Variants in PLA2G4A observed in about 807,000 individuals in gnomAD.
PLA2G4A encodes cytosolic phospholipase A2.
Under a neutral mutation model 81.9 loss-of-function variants are expected in PLA2G4A, and 40 were observed. The ratio of observed to expected loss-of-function variants is 0.49; its 90% CI spans 0.38 to 0.64. The LOEUF (loss-of-function observed/expected upper bound fraction) is 0.64, where lower values mean the gene tolerates loss of function less well. PLA2G4A is among the 30% of genes least tolerant of loss of function. PLA2G4A has a pLI of 0.00. For missense variants in PLA2G4A, 715 were observed against 905.1 expected, an observed-to-expected ratio of 0.79 and a Z score of 2.69; for synonymous variants, 302 against 296.9, an observed-to-expected ratio of 1.02 and a Z score of -0.18.
chr1:186,964,347 A>ATTAT (rs1006204259), intron 14 of PLA2G4A, among the ~76,000 whole-genome samples: 1 of 152,028 alleles, frequency 6.6e-6, no homozygotes, highest in African/African-American at 2.4e-5. Context: ...GTGAAGAGTA[A>ATTAT]TGTGTTATCA....
intron 3 of PLA2G4A, among the ~76,000 whole-genome samples, chr1:186,876,684 G>A (rs992961485): frequency 4.6e-5 from 7 of 152,098 alleles, no homozygotes; most frequent in South Asian, 2.1e-4. Context: ...CAGCGATCAC[G>A]CAGCACACCA....
chr1:186,985,276 T>C (rs981370143), intron 17 of PLA2G4A, among the ~76,000 whole-genome samples: 1 of 152,194 alleles, frequency 6.6e-6, no homozygotes, highest in African/African-American at 2.4e-5. Context: ...CCTGTGTCAA[T>C]CAACCTCTAG....
At chr1:186,856,268 T>C (rs1349903855) in intron 2 of PLA2G4A, among the ~76,000 whole-genome samples, 1 of 144,516 alleles carries the variant, frequency 6.9e-6, no homozygotes, top group Non-Finnish European at 1.5e-5. Context: ...TAATGTATTA[T>C]AGTTTTCTTT....
chr1:186,941,293 T>C (rs1656146290), intron 10 of PLA2G4A, among the ~76,000 whole-genome samples: 1 of 152,136 alleles, frequency 6.6e-6, no homozygotes, highest in Non-Finnish European at 1.5e-5. Flanking sequence ...TGGTGTGTAA[T>C]TGGCACATAT....
intron 14 of PLA2G4A, among the ~76,000 whole-genome samples, chr1:186,960,814 A>G (rs916793480): frequency 6.6e-6 from 1 of 152,224 alleles, no homozygotes; most frequent in Non-Finnish European, 1.5e-5. Flanking sequence ...GCATTTTCAT[A>G]TAAAGTGCTG....
chr1:186,873,405 G>A (rs1040827794), intron 3 of PLA2G4A, among the ~76,000 whole-genome samples: 5 of 152,018 alleles, frequency 3.3e-5, no homozygotes, highest in Admixed American at 2.0e-4. Context: ...GACCAGGATC[G>A]CAGAATTCTA....
intron 7 of PLA2G4A, among the ~76,000 whole-genome samples, chr1:186,914,985 TTATCATTTGAAG>T (rs1655089446): frequency 6.6e-6 from 1 of 152,188 alleles, no homozygotes; most frequent in South Asian, 2.1e-4. Flanking sequence ...ATGAAGCTTT[TTATCATTTGAAG>T]AAGTACAGGT....
At chr1:186,936,042 T>C (rs1258042679) in intron 8 of PLA2G4A, among the ~76,000 whole-genome samples, 1 of 151,964 alleles carries the variant, frequency 6.6e-6, no homozygotes, top group Non-Finnish European at 1.5e-5. Flanking sequence ...AATCCTGTGT[T>C]CTTTTACTCA....
intron 1 of PLA2G4A, among the ~76,000 whole-genome samples, chr1:186,839,072 C>A (rs992741435): frequency 1.4e-4 from 21 of 148,594 alleles, no homozygotes; most frequent in Middle Eastern, 3.4e-3. Flanking sequence ...GTTAAAAAAA[C>A]ATTTTAAAAT....
At chr1:186,983,095 A>G (rs1436512396) in intron 17 of PLA2G4A, among the ~76,000 whole-genome samples, 8 of 149,218 alleles carry the variant, frequency 5.4e-5, no homozygotes, top group South Asian at 2.1e-4. Flanking sequence ...AAAAAAAAAA[A>G]AAAAGAAAAG....
chr1:186,906,856 T>C, intron 5 of PLA2G4A, 109 bp from the exon 6 acceptor site: 1 of 660,506 alleles, frequency 1.5e-6, no homozygotes, highest in South Asian at 1.8e-5. Flanking sequence ...AGGGTTTTGT[T>C]TTTTTGATTA....
rs535443286 is a variant in PLA2G4A at position 186,912,487 on chromosome 1, A to G, written c.558+1098A>G. Among the ~76,000 whole-genome samples, 24 of 152,054 alleles carry G rather than the reference A, an allele frequency of 1.6e-4. No homozygotes were observed. In the South Asian group the frequency reaches 4.4e-3, roughly 28 times the overall value. On this transcript the variant is annotated intron_variant, in intron 7 of 17. Coordinates refer to ENST00000367466, the MANE Select transcript of PLA2G4A (RefSeq NM_024420.3). ...CATCTCTCCTCCCTACCCCTGCACCACTGATACTTTTACTGTCTCCATAGC... is the reference window on the plus strand; with the variant it reads ...CATCTCTCCTCCCTACCCCTGCACCGCTGATACTTTTACTGTCTCCATAGC...
chr1:186,890,783 G>A (rs1284886657), intron 3 of PLA2G4A, among the ~76,000 whole-genome samples: 2 of 151,094 alleles, frequency 1.3e-5, no homozygotes, highest in African/African-American at 4.9e-5. Flanking sequence ...GAACCAGGAG[G>A]CCGAGGTTGC....
chr1:186,924,377 C>G (rs1489481239), intron 7 of PLA2G4A, among the ~76,000 whole-genome samples: 1 of 152,222 alleles, frequency 6.6e-6, no homozygotes, highest in Non-Finnish European at 1.5e-5. Context: ...CTTGCCCTAT[C>G]TTACCTAACC....
chr1:186,873,364 A>T (rs1315362175), intron 3 of PLA2G4A, among the ~76,000 whole-genome samples: 1 of 152,078 alleles, frequency 6.6e-6, no homozygotes, highest in Non-Finnish European at 1.5e-5. Context: ...GAACTATAAG[A>T]ACTATTTTTA....
intron 16 of PLA2G4A, 80 bp from the exon 17 acceptor site, chr1:186,979,235 C>T: frequency 9.6e-7 from 1 of 1,042,136 alleles, no homozygotes; most frequent in Admixed American, 1.7e-5. Context: ...GTCTTTATGT[C>T]TGTATGTTTT....
intron 3 of PLA2G4A, among the ~76,000 whole-genome samples, chr1:186,892,388 T>A (rs548844963): frequency 5.9e-5 from 9 of 152,300 alleles, no homozygotes; most frequent in African/African-American, 2.2e-4. Flanking sequence ...CTCCTGGAGA[T>A]TTTCCCCAAT....
chr1:186,840,633 C>A (rs550315895), intron 1 of PLA2G4A, among the ~76,000 whole-genome samples: 9 of 152,216 alleles, frequency 5.9e-5, no homozygotes, highest in Non-Finnish European at 1.3e-4. Context: ...ATCTCACCGG[C>A]TGCCTGAAAT....
intron 7 of PLA2G4A, among the ~76,000 whole-genome samples, chr1:186,917,002 G>A (rs6683622): frequency 0.25 from 38,490 of 151,908 alleles, 5,359 homozygotes; most frequent in Admixed American, 0.4. Flanking sequence ...GAGTCACTTT[G>A]CAGGGGTTGT....
Sources: allele counts gnomAD v4.1 joint callset (sites outside exome capture counted in the v4.1 genomes callset), GRCh38; gene constraint gnomAD v4.1.1; transcripts MANE v1.5; gene names NCBI Gene and HGNC (gene_info 2026-07-23, HGNC 2026-07-21).